The following RBM47 variants were observed in gnomAD, a reference collection of about 807,000 sequenced individuals.
The protein encoded by RBM47 is RNA-binding protein 47.
RBM47 carries 21 observed loss-of-function variants against 47.1 expected under a neutral mutation model. The observed-to-expected ratio is 0.45, with a 90% confidence interval of 0.32 to 0.64. The LOEUF (loss-of-function observed/expected upper bound fraction) is 0.64. Among genes scored for constraint, RBM47 ranks in the 30% least tolerant of loss-of-function variants. The probability of loss-of-function intolerance (pLI) is 0.05; values close to 1 mark genes in which losing one functional copy is unlikely to be tolerated. For missense variants in RBM47, 708 were observed against 870.9 expected, an observed-to-expected ratio of 0.81 and a Z score of 2.35; for synonymous variants, 375 against 361.7, an observed-to-expected ratio of 1.04 and a Z score of -0.42.
chr4:40,565,007 C>G (rs761618180), intron 1 of RBM47, among the ~76,000 whole-genome samples: 4 of 152,144 alleles, frequency 2.6e-5, no homozygotes, highest in South Asian at 4.1e-4. Context: ...CGGAAGTGAA[C>G]GTGGGGACTG....
At chr4:40,497,588 C>T (rs1722781227) in intron 2 of RBM47, among the ~76,000 whole-genome samples, 1 of 151,602 alleles carries the variant, frequency 6.6e-6, no homozygotes, top group African/African-American at 2.4e-5. Context: ...GGGTGAGATC[C>T]TATCTCAAAT....
At chr4:40,492,504 T>A (rs536894869) in intron 2 of RBM47, among the ~76,000 whole-genome samples, 1 of 152,310 alleles carries the variant, frequency 6.6e-6, no homozygotes, top group African/African-American at 2.4e-5. Context: ...CCTGTTCCGA[T>A]CATTGTTTCC....
At chr4:40,621,664 A>G (rs180760756) in intron 1 of RBM47, among the ~76,000 whole-genome samples, 5 of 152,358 alleles carry the variant, frequency 3.3e-5, no homozygotes, top group Admixed American at 3.3e-4. Context: ...TGACAGTAGA[A>G]AAGGTGATAA....
chr4:40,478,819 A>G (rs1720002433), intron 2 of RBM47, among the ~76,000 whole-genome samples: 1 of 152,236 alleles, frequency 6.6e-6, no homozygotes, highest in Non-Finnish European at 1.5e-5. Flanking sequence ...AAGCTAAGAT[A>G]TAGCCAATGC....
At chr4:40,432,036 TAG>T (rs1472254479) in intron 6 of RBM47, among the ~76,000 whole-genome samples, 9 of 150,928 alleles carry the variant, frequency 6.0e-5, no homozygotes, top group Non-Finnish European at 1.2e-4. Context: ...AAAAAAATTG[TAG>T]AGACAGTGTC....
chr4:40,441,155 G>T (rs1051161923), intron 3 of RBM47, among the ~76,000 whole-genome samples: 4 of 151,288 alleles, frequency 2.6e-5, no homozygotes, highest in African/African-American at 9.7e-5. Context: ...CAGGCAGAGT[G>T]GCTTGTGCCT....
chr4:40,447,821 T>G (rs959105120), intron 3 of RBM47, among the ~76,000 whole-genome samples: 2 of 152,062 alleles, frequency 1.3e-5, no homozygotes, highest in African/African-American at 2.4e-5. Context: ...CCATCCTGGC[T>G]AACACAGTGA....
At chr4:40,583,393 A>AGG (rs1733173086) in intron 1 of RBM47, among the ~76,000 whole-genome samples, 1 of 91,374 alleles carries the variant, frequency 1.1e-5, no homozygotes, top group Non-Finnish European at 2.0e-5. Context: ...TCTCAGAAAA[A>AGG]AAAAAAAAAA....
rs139092382 is a variant in RBM47 at position 40,628,490 on chromosome 4, T to C, written c.-240+906A>G. Among the ~76,000 whole-genome samples, 56 of 152,358 alleles carry C rather than the reference T, an allele frequency of 3.7e-4. No individual in the cohort carries two copies. Among genetic ancestry groups the C allele is most frequent in the African/African-American group, 1.3e-3 (54 of 41,588 alleles). The stretch of plus-strand genomic sequence containing the variant: ...AATTCTCAAATGCTCTGGATCTAAT[T>C]GCCAACCTTTTGAGCTCAAAACTTC... On this transcript the variant is annotated intron_variant, in intron 1 of 6. Coordinates refer to ENST00000295971, the MANE Select transcript of RBM47 (RefSeq NM_001098634.2). This position sits in a 1 kb window ranked among gnomAD's most constrained non-coding sequence, Gnocchi z 4.0.
At chr4:40,463,046 G>A (rs923101176) in intron 3 of RBM47, among the ~76,000 whole-genome samples, 6 of 152,192 alleles carry the variant, frequency 3.9e-5, no homozygotes, top group Non-Finnish European at 8.8e-5. Flanking sequence ...TGCAAATCAT[G>A]TCTGATAAGG....
At chr4:40,524,291 A>T (rs1409823306) in intron 2 of RBM47, among the ~76,000 whole-genome samples, 1 of 152,240 alleles carries the variant, frequency 6.6e-6, no homozygotes, top group African/African-American at 2.4e-5. Flanking sequence ...GGAAACGGAA[A>T]CCCAAAGAAG....
At chr4:40,497,804 T>C (rs1722808987) in intron 2 of RBM47, among the ~76,000 whole-genome samples, 2 of 148,218 alleles carry the variant, frequency 1.3e-5, no homozygotes, top group African/African-American at 5.0e-5. Context: ...GGAGACCCTG[T>C]CTCTACAGCA....
chr4:40,581,434 T>TAATA (rs375591976), intron 1 of RBM47, among the ~76,000 whole-genome samples: 6,726 of 138,988 alleles, frequency 0.048, 228 homozygotes, highest in African/African-American at 0.096. Flanking sequence ...AAAAAAGTAA[T>TAATA]AATAAATAAA....
intron 2 of RBM47, among the ~76,000 whole-genome samples, chr4:40,524,777 C>A (rs910824092): frequency 1.3e-5 from 2 of 152,208 alleles, no homozygotes; most frequent in African/African-American, 4.8e-5. Flanking sequence ...CACGTCACCA[C>A]GCTCGGCTAA....
At chr4:40,540,525 G>C (rs911787392) in intron 2 of RBM47, among the ~76,000 whole-genome samples, 18 of 151,634 alleles carry the variant, frequency 1.2e-4, no homozygotes, top group African/African-American at 4.1e-4. Context: ...TGTAATCCCA[G>C]CTACTCAAGA....
At chr4:40,528,725 A>G (rs528580258) in intron 2 of RBM47, among the ~76,000 whole-genome samples, 2 of 152,254 alleles carry the variant, frequency 1.3e-5, no homozygotes, top group African/African-American at 4.8e-5. Context: ...AGATCGTGCC[A>G]CTGCACTCCA....
intron 1 of RBM47, among the ~76,000 whole-genome samples, chr4:40,555,571 C>A (rs1343482719): frequency 6.6e-6 from 1 of 152,018 alleles, no homozygotes; most frequent in Non-Finnish European, 1.5e-5. Context: ...ACACATCTGA[C>A]CCAATGGGTT....
At chr4:40,616,355 A>G (rs906836763) in intron 1 of RBM47, among the ~76,000 whole-genome samples, 11 of 124,846 alleles carry the variant, frequency 8.8e-5, no homozygotes, top group Admixed American at 9.0e-5. Context: ...CTCTGTCTCA[A>G]AAAAAAAAAA....
intron 2 of RBM47, among the ~76,000 whole-genome samples, chr4:40,526,884 T>A (rs1298514733): frequency 6.8e-6 from 1 of 146,534 alleles, no homozygotes; most frequent in Admixed American, 7.1e-5. Flanking sequence ...CAGACCACAG[T>A]TTACTGATGC....
Sources: allele counts gnomAD v4.1 joint callset (sites outside exome capture counted in the v4.1 genomes callset), GRCh38; gene constraint gnomAD v4.1.1; non-coding constraint Gnocchi (gnomAD v3.1); transcripts MANE v1.5; gene names NCBI Gene and HGNC (gene_info 2026-07-23, HGNC 2026-07-21).